Variants in CTNNA2 observed in about 807,000 individuals in gnomAD.
The protein encoded by CTNNA2 is catenin alpha 2, also known as catenin alpha-2.
CTNNA2 carries 42 observed loss-of-function variants against 101.0 expected under a neutral mutation model. That is an observed-to-expected ratio of 0.42 (90% confidence interval 0.32 to 0.54). CTNNA2 has a LOEUF of 0.54. Ranked by LOEUF, CTNNA2 falls within the 20% of genes least tolerant of loss-of-function variation. The probability of loss-of-function intolerance (pLI) is 0.14; values close to 1 mark genes in which losing one functional copy is unlikely to be tolerated. For missense variants in CTNNA2, 871 were observed against 1,223.1 expected (o/e 0.71, Z 4.29); for synonymous variants, 450 against 456.4 (o/e 0.99, Z 0.18).
At chr2:80,443,066 G>C (rs1682730708) in intron 9 of CTNNA2, among the ~76,000 whole-genome samples, 1 of 152,176 alleles carries the variant, frequency 6.6e-6, no homozygotes. Flanking sequence ...AGATGAATTT[G>C]TAGGCCTGAG....
At chr2:79,727,402 T>G (rs1686916111) in intron 2 of CTNNA2, among the ~76,000 whole-genome samples, 1 of 152,104 alleles carries the variant, frequency 6.6e-6, no homozygotes. Flanking sequence ...GGCTTCAGCT[T>G]AGCCACCTAA....
intron 7 of CTNNA2, among the ~76,000 whole-genome samples, chr2:80,061,227 C>T (rs1459839081): frequency 6.6e-6 from 1 of 152,048 alleles, no homozygotes; most frequent in Non-Finnish European, 1.5e-5. Flanking sequence ...TAGAAAAATG[C>T]TCAAGTTAAT....
intron 7 of CTNNA2, among the ~76,000 whole-genome samples, chr2:80,035,288 G>A (rs939328260): frequency 2.6e-5 from 4 of 152,106 alleles, no homozygotes; most frequent in African/African-American, 9.7e-5. Flanking sequence ...GGGTAAATTT[G>A]GGCAAGTTAC....
chr2:80,214,728 T>G (rs1708142943), intron 7 of CTNNA2, among the ~76,000 whole-genome samples: 1 of 152,154 alleles, frequency 6.6e-6, no homozygotes, highest in Admixed American at 6.5e-5. Context: ...ATCTGACAAT[T>G]ATGTGTCTTG....
chr2:79,828,773 C>T (rs1432015274), intron 3 of CTNNA2, among the ~76,000 whole-genome samples: 1 of 152,202 alleles, frequency 6.6e-6, no homozygotes, highest in Non-Finnish European at 1.5e-5. Flanking sequence ...ATCAGCATCA[C>T]CTGAGAACCT....
At chr2:80,633,077 C>A (rs1364065017) in intron 18 of CTNNA2, among the ~76,000 whole-genome samples, 1 of 152,102 alleles carries the variant, frequency 6.6e-6, no homozygotes, top group East Asian at 1.9e-4. Flanking sequence ...AGTGGTTGAA[C>A]AAGAAATACA....
intron 3 of CTNNA2, among the ~76,000 whole-genome samples, chr2:79,362,705 T>A (rs1176620082): frequency 1.3e-5 from 2 of 152,190 alleles, no homozygotes; most frequent in African/African-American, 2.4e-5. Flanking sequence ...ATCAGAATAA[T>A]GTGATTTGGC....
Position 80,306,739 on chromosome 2 carries a change from G to A in CTNNA2, c.1057-86472G>A, listed in dbSNP as rs145436581. On this transcript the variant is annotated intron_variant, in intron 7 of 18. Coordinates refer to ENST00000402739, the MANE Select transcript of CTNNA2 (RefSeq NM_001282597.3). ...GGAGGCACCCGCAGGGTTAAACAGC[G>A]GCCAGCCATTCAGCGAGTACTGTGA... Among the ~76,000 whole-genome samples the A allele has an allele frequency of 7.1e-3, 1,076 of 151,956 alleles. 16 individuals are homozygous for A. The highest frequency in any genetic ancestry group is 0.024 in the African/African-American group (1,013 of 41,412).
chr2:80,017,739 A>G (rs1181745258), intron 7 of CTNNA2, among the ~76,000 whole-genome samples: 1 of 152,114 alleles, frequency 6.6e-6, no homozygotes, highest in Non-Finnish European at 1.5e-5. Context: ...ATTCATAGAC[A>G]TTGACCTACC....
At chr2:80,310,187 C>A (rs2149225290) in intron 7 of CTNNA2, among the ~76,000 whole-genome samples, 1 of 152,260 alleles carries the variant, frequency 6.6e-6, no homozygotes, top group Admixed American at 6.5e-5. Flanking sequence ...TGATTGCCCA[C>A]CCTTGCTAGT....
At chr2:79,903,743 C>T (rs994442952) in intron 6 of CTNNA2, among the ~76,000 whole-genome samples, 11 of 152,162 alleles carry the variant, frequency 7.2e-5, no homozygotes, top group African/African-American at 2.7e-4. Context: ...GCACTGTTCC[C>T]AGCAAGTCCC....
At position 80,043,019 on chromosome 2, in the gene CTNNA2, C is replaced by CTT. The variant is rs1424157951; in HGVS notation, c.1056+133224_1056+133225dup. Among the ~76,000 whole-genome samples, 123 of 35,146 alleles carry CTT rather than the reference C, an allele frequency of 3.5e-3. 2 individuals carry two copies. The highest frequency in any genetic ancestry group is 0.02 in the African/African-American group (120 of 5,858). 23.1% of individuals were successfully genotyped at this position (35,146 alleles called of 152,430 possible). ...TCCTTCCTTTCCTTCCTTTCTTTCC[C>CTT]TTTCTTTCTTTCTTTCTTTCCTTCT... is the stretch of plus-strand genomic sequence containing the variant. On this transcript the variant is annotated intron_variant, in intron 7 of 18. Transcript: ENST00000402739.
At chr2:80,576,830 T>TTGGC (rs1695097243) in intron 13 of CTNNA2, among the ~76,000 whole-genome samples, 1 of 148,718 alleles carries the variant, frequency 6.7e-6, no homozygotes, top group Non-Finnish European at 1.5e-5. Context: ...GCCAGGCATG[T>TTGGC]TGGCGTGCAT....
intron 9 of CTNNA2, among the ~76,000 whole-genome samples, chr2:80,486,421 A>G (rs1686587903): frequency 6.6e-6 from 1 of 152,194 alleles, no homozygotes; most frequent in Non-Finnish European, 1.5e-5. Flanking sequence ...AAACCATAAT[A>G]ACCATGGAAA....
intron 1 of CTNNA2, among the ~76,000 whole-genome samples, chr2:79,584,621 T>A (rs1304497256): frequency 6.6e-6 from 1 of 151,744 alleles, no homozygotes; most frequent in Non-Finnish European, 1.5e-5. Flanking sequence ...GCCTCCTAGG[T>A]TCAAGAGATT....
intron 7 of CTNNA2, among the ~76,000 whole-genome samples, chr2:80,037,339 A>G (rs1695731354): frequency 6.6e-6 from 1 of 152,186 alleles, no homozygotes; most frequent in Non-Finnish European, 1.5e-5. Context: ...GTCAGTAACC[A>G]TGTCCTTCTA....
At chr2:79,755,958 G>A (rs1204418079) in intron 3 of CTNNA2, among the ~76,000 whole-genome samples, 5 of 152,032 alleles carry the variant, frequency 3.3e-5, no homozygotes, top group Admixed American at 1.3e-4. Flanking sequence ...TATACCCTTA[G>A]GATTCATCTT....
chr2:79,506,974 C>T (rs553485338), intron 5 of CTNNA2, among the ~76,000 whole-genome samples: 38 of 152,212 alleles, frequency 2.5e-4, no homozygotes, highest in African/African-American at 8.7e-4. Flanking sequence ...TTCCAGATAG[C>T]GGCTATTCAG....
rs145864780 is a variant in CTNNA2 at position 79,569,668 on chromosome 2, G to A, written c.-6+56461G>A. ...TAACTACCAAAGTCACTTAAGTGTG[G>A]TATTTGCACTGGAAACTCTATTTCC... On this transcript the variant is annotated intron_variant, in intron 1 of 18. Transcript: ENST00000402739. Among the ~76,000 whole-genome samples the A allele has an allele frequency of 1.8e-3, 280 of 152,230 alleles. 1 individual carries two copies. Among genetic ancestry groups the A allele is most frequent in the Middle Eastern group, 0.017 (5 of 294 alleles).
Sources: allele counts gnomAD v4.1 joint callset (sites outside exome capture counted in the v4.1 genomes callset), GRCh38; gene constraint gnomAD v4.1.1; transcripts MANE v1.5; gene names NCBI Gene and HGNC (gene_info 2026-07-23, HGNC 2026-07-21).